TIPARP: variants seen among roughly 807,000 people sequenced by gnomAD.
TIPARP encodes the protein TCDD inducible poly(ADP-ribose) polymerase, also known as protein mono-ADP-ribosyltransferase TIPARP.
A neutral mutation model predicts 56.5 loss-of-function variants in TIPARP; 12 were observed. The observed-to-expected ratio is 0.21, with a 90% confidence interval of 0.14 to 0.34. The LOEUF is 0.34. Ranked by LOEUF, TIPARP falls within the 10% of genes least tolerant of loss-of-function variation. The pLI, the probability that TIPARP is intolerant of heterozygous loss-of-function variation, is 1.00. For missense variants in TIPARP, 604 were observed against 781.6 expected, an observed-to-expected ratio of 0.77 and a Z score of 2.71; for synonymous variants, 296 against 265.7, an observed-to-expected ratio of 1.11 and a Z score of -1.11.
intron 5 of TIPARP, 150 bp from the exon 6 acceptor site, chr3:156,704,534 T>TA: frequency 1.4e-6 from 1 of 729,658 alleles, no homozygotes; most frequent in Non-Finnish European, 2.2e-6. Flanking sequence ...AGTGGAAAGA[T>TA]AAGTTTCAAC....
chr3:156,695,953 A>G lies in TIPARP; in HGVS notation c.1175A>G (p.Asn392Ser), dbSNP rs757147574. The change falls in exon 4 of 6, where the codon AAT becomes AGT. Residue 392 changes from asparagine to serine, a missense_variant. This residue lies in a region of TIPARP where 252 missense variants were observed against 303.9 expected (regional missense o/e 0.83). Coordinates refer to ENST00000295924, the MANE Select transcript of TIPARP (RefSeq NM_015508.5). ...TGGAATAACCACTACATCCTCCACA[A>G]TTCATTCTTCAGGAGAGAGATAAAA... ...MMWNNHYILHNSFFRREIKRR... is the reference protein window; with the variant it reads ...MMWNNHYILHSSFFRREIKRR... 1.9e-6 allele frequency: 3 copies of G among 1,612,254 alleles called. No homozygotes were observed. The highest frequency in any genetic ancestry group is 2.7e-5 in the African/African-American group (2 of 74,600).
rs577862762 is a variant in TIPARP at position 156,680,887 on chromosome 3, A to G, written c.917+2273A>G. Among the ~76,000 whole-genome samples, 94 of 152,294 alleles carry G rather than the reference A, an allele frequency of 6.2e-4. 2 individuals carry two copies. The highest frequency in any genetic ancestry group is 5.1e-3 in the Admixed American group (78 of 15,288). On this transcript the variant is annotated intron_variant, in intron 2 of 5. Transcript: ENST00000295924. ...AAGAAAAGTGTGAGTGAAGTATTAT[A>G]ATTACCATTGCTCCTACTACATTGT...
At chr3:156,683,031 CATTT>C (rs1484364961) in intron 2 of TIPARP, among the ~76,000 whole-genome samples, 7 of 151,280 alleles carry the variant, frequency 4.6e-5, no homozygotes, top group South Asian at 2.1e-4. Flanking sequence ...CAATAGCAAT[CATTT>C]ATTTATTCCC....
At chr3:156,688,219 T>G (rs1461269988) in intron 2 of TIPARP, among the ~76,000 whole-genome samples, 1 of 151,562 alleles carries the variant, frequency 6.6e-6, no homozygotes, top group Admixed American at 6.6e-5. Context: ...TACAGAAAAA[T>G]ACAAAAATTA....
chr3:156,705,446 G>T lies in TIPARP; in HGVS notation c.*315G>T. The T allele has an allele frequency of 1.1e-5, 2 of 182,498 alleles. No individual in the cohort carries two copies. The highest frequency in any genetic ancestry group is 1.5e-4 in the East Asian group (1 of 6,808). The allele number at this position is 182,498 out of a possible 1,614,324, so 11.3% of individuals were successfully genotyped here. A position where few individuals can be genotyped will look rare whatever the true frequency, so the allele number is the denominator to read the frequency against. On this transcript the variant is annotated 3_prime_UTR_variant, in exon 6 of 6. Transcript: ENST00000295924. ...GAGCATTAAATTAAAAAACTGAACA[G>T]CCTAATTTAAATGTGGCTTGGGCCT... is the stretch of plus-strand genomic sequence containing the variant.
intron 4 of TIPARP, 23 bp downstream of exon 4, chr3:156,696,048 C>A: frequency 6.3e-7 from 1 of 1,595,514 alleles, no homozygotes; most frequent in Non-Finnish European, 8.5e-7. Context: ...TATGAAGTTG[C>A]AATATTTACT....
chr3:156,679,316 G>C (rs1330880248), intron 2 of TIPARP, among the ~76,000 whole-genome samples: 1 of 152,118 alleles, frequency 6.6e-6, no homozygotes, highest in African/African-American at 2.4e-5. Context: ...CAAGATGTGT[G>C]TATACACATA....
rs1466931024 is a variant in TIPARP at position 156,706,378 on chromosome 3, A to C, written c.*1247A>C. 3 of 152,662 alleles carry C rather than the reference A, an allele frequency of 2.0e-5. No individual in the cohort carries two copies. The highest frequency in any genetic ancestry group is 4.4e-5 in the Non-Finnish European group (3 of 68,042). The allele number at this position is 152,662 out of a possible 1,614,324, so 9.5% of individuals were successfully genotyped here. A position where few individuals can be genotyped will look rare whatever the true frequency, so the allele number is the denominator to read the frequency against. On this transcript the variant is annotated 3_prime_UTR_variant, in exon 6 of 6. Coordinates refer to ENST00000295924, the MANE Select transcript of TIPARP (RefSeq NM_015508.5). ...CTTTCAGTTACCAAGCTCTCCTGGT[A>C]ATGTTTGTGGTTATATCATTTACAC...
intron 1 of TIPARP, chr3:156,675,384 C>T (rs1722095168): frequency 6.6e-6 from 1 of 152,314 alleles, no homozygotes; most frequent in Non-Finnish European, 1.5e-5. Context: ...TTGGACGCTC[C>T]TCGGGAGGTG....
At position 156,678,564 on chromosome 3, in the gene TIPARP, G is replaced by A. The variant is rs1329253095; in HGVS notation, c.867G>A (p.Leu289=). 1.9e-6 allele frequency: 3 copies of A among 1,613,970 alleles called. No homozygotes were observed. In the East Asian group the frequency reaches 6.7e-5, roughly 36 times the overall value. The part of the protein sequence containing the change: ...QSVFNDSQEH[L]ERFYCNPEND... ...TATTCAATGATTCTCAGGAGCACTTGGAAAGATTTTACTGTAACCCAGAAA... is the reference window on the plus strand; with the variant it reads ...TATTCAATGATTCTCAGGAGCACTTAGAAAGATTTTACTGTAACCCAGAAA... The change falls in exon 2 of 6, where the codon TTG becomes TTA. Residue 289 remains leucine (L), a synonymous_variant. Transcript: ENST00000295924.
chr3:156,676,229 C>T (rs1359869535), intron 1 of TIPARP, among the ~76,000 whole-genome samples: 1 of 152,142 alleles, frequency 6.6e-6, no homozygotes, highest in East Asian at 1.9e-4. Flanking sequence ...ATGTCAGATC[C>T]CTCCTTCTTC....
intron 2 of TIPARP, among the ~76,000 whole-genome samples, chr3:156,679,039 C>T (rs988213620): frequency 3.9e-5 from 6 of 152,108 alleles, no homozygotes; most frequent in Non-Finnish European, 5.9e-5. Flanking sequence ...ATAGTATTGT[C>T]GAGAGATGTT....
Position 156,678,597 on chromosome 3 carries a change from A to G in TIPARP, c.900A>G (p.Arg300=). 1 of 1,613,396 alleles carries G rather than the reference A, an allele frequency of 6.2e-7. No individual in the cohort carries two copies. Among genetic ancestry groups the G allele is most frequent in the South Asian group, 1.1e-5 (1 of 90,976 alleles). Reference sequence around the variant, plus strand: ...TTTACTGTAACCCAGAAAATGATAGAATGAGAATGAAGTATGGGTATGTAT... The same window carrying G: ...TTTACTGTAACCCAGAAAATGATAGGATGAGAATGAAGTATGGGTATGTAT... ...ERFYCNPEND[R]MRMKYGGQEF... The change falls in exon 2 of 6, where the codon AGA becomes AGG. Residue 300 remains arginine, a synonymous_variant. Transcript: ENST00000295924.
At chr3:156,679,434 C>A (rs188412838) in intron 2 of TIPARP, among the ~76,000 whole-genome samples, 1 of 152,226 alleles carries the variant, frequency 6.6e-6, no homozygotes, top group East Asian at 1.9e-4. Context: ...ATGATAGTTG[C>A]CTCATGTAAA....
At chr3:156,703,348 T>C in intron 4 of TIPARP, 76 bp from the exon 5 acceptor site, 3 of 1,426,818 alleles carry the variant, frequency 2.1e-6, no homozygotes, top group Non-Finnish European at 2.9e-6. Context: ...AAGTAGACAC[T>C]GATATAGATC....
intron 4 of TIPARP, among the ~76,000 whole-genome samples, chr3:156,699,191 G>A (rs1722787911): frequency 6.6e-6 from 1 of 152,150 alleles, no homozygotes; most frequent in Admixed American, 6.5e-5. Context: ...ATAATAAAGG[G>A]TTTGGAATAT....
At chr3:156,690,477 T>A (rs1016377735) in intron 2 of TIPARP, among the ~76,000 whole-genome samples, 1 of 152,204 alleles carries the variant, frequency 6.6e-6, no homozygotes, top group African/African-American at 2.4e-5. Flanking sequence ...GAACCATTGT[T>A]ATAAAGCATC....
At chr3:156,689,774 G>A (rs1466296394) in intron 2 of TIPARP, among the ~76,000 whole-genome samples, 1 of 152,180 alleles carries the variant, frequency 6.6e-6, no homozygotes, top group Admixed American at 6.5e-5. Context: ...TGTTTGGTTA[G>A]CTTCTACACA....
chr3:156,675,417 T>G (rs1393230837), intron 1 of TIPARP: 1 of 152,002 alleles, frequency 6.6e-6, no homozygotes, highest in African/African-American at 2.4e-5. Context: ...AAAGAAGAAT[T>G]AGAGAGAGAA....
Sources: allele counts gnomAD v4.1 joint callset (sites outside exome capture counted in the v4.1 genomes callset), GRCh38; gene constraint gnomAD v4.1.1; regional missense constraint gnomAD v4.1.1; transcripts MANE v1.5; gene names NCBI Gene and HGNC (gene_info 2026-07-23, HGNC 2026-07-21).